Variants in ANTXR2 observed in about 807,000 individuals in gnomAD.
ANTXR2 encodes ANTXR cell adhesion molecule 2, also known as anthrax toxin receptor 2.
A neutral mutation model predicts 73.7 loss-of-function variants in ANTXR2; 44 were observed. The observed-to-expected ratio is 0.60, with a 90% CI of 0.47 to 0.77. ANTXR2 has a LOEUF of 0.77. Ranked by LOEUF, ANTXR2 falls within the 30% of genes least tolerant of loss-of-function variation. ANTXR2 has a pLI of 0.00. For synonymous variants in ANTXR2, 217 were observed against 205.9 expected, an observed-to-expected ratio of 1.05 and a Z score of -0.46; for missense variants, 604 against 592.5, an observed-to-expected ratio of 1.02 and a Z score of -0.20.
rs571389700 is a variant in ANTXR2, at chr4:79,931,577, T to C, written c.1429-24110A>G. On this transcript the variant is annotated intron_variant, in intron 16 of 16. Transcript: ENST00000403729. Reference sequence around the variant, plus strand: ...TCACAGAAGGTGCAGCAGGCACAGATGGCACTAATGCATAAATGTAATCTA... The same window carrying C: ...TCACAGAAGGTGCAGCAGGCACAGACGGCACTAATGCATAAATGTAATCTA... 2.6e-5 allele frequency among the ~76,000 whole-genome samples: 4 copies of C among 152,020 alleles called. No homozygotes were observed. In the South Asian group the frequency reaches 6.2e-4, roughly 24 times the overall value.
chr4:80,069,577 T>TA, intron 2 of ANTXR2, 70 bp from the exon 3 acceptor site: 2 of 1,240,466 alleles, frequency 1.6e-6, no homozygotes, highest in Non-Finnish European at 2.3e-6. Context: ...AGATGTATAG[T>TA]TAGGGAGGTT....
chr4:80,058,217 A>G (rs1734089184), intron 3 of ANTXR2, among the ~76,000 whole-genome samples: 1 of 152,038 alleles, frequency 6.6e-6, no homozygotes, highest in Non-Finnish European at 1.5e-5. Context: ...AAGCTAAAGG[A>G]ACTTCCCAAA....
intron 7 of ANTXR2, among the ~76,000 whole-genome samples, chr4:80,051,738 C>T (rs1190212497): frequency 1.3e-5 from 2 of 151,498 alleles, no homozygotes; most frequent in African/African-American, 4.8e-5. Flanking sequence ...CTTTTTCAGC[C>T]CCTTGATTTT....
intron 12 of ANTXR2, among the ~76,000 whole-genome samples, chr4:79,995,996 C>T (rs1430862075): frequency 6.6e-6 from 1 of 151,996 alleles, no homozygotes; most frequent in African/African-American, 2.4e-5. Context: ...CCAGATGCCA[C>T]ATGCTCTGTC....
At chr4:79,907,531 T>C (rs908320017) in intron 16 of ANTXR2, 64 bp from the exon 17 acceptor site, 22 of 1,496,414 alleles carry the variant, frequency 1.5e-5, no homozygotes, top group Non-Finnish European at 2.0e-5. Flanking sequence ...CATGAGAACA[T>C]CTAGTTTTCC....
chr4:80,064,698 G>A (rs946637942), intron 3 of ANTXR2, among the ~76,000 whole-genome samples: 1 of 152,108 alleles, frequency 6.6e-6, no homozygotes, highest in East Asian at 1.9e-4. Flanking sequence ...TGAGGAGAAC[G>A]AGCCAGCTAG....
rs968225242 is a variant in ANTXR2, at chr4:80,034,674, T to C, written c.698-1104A>G. Among the ~76,000 whole-genome samples the C allele has an allele frequency of 4.1e-4, 63 of 152,298 alleles. 2 individuals are homozygous for C. The highest frequency in any genetic ancestry group is 3.7e-3 in the Admixed American group (56 of 15,276). On this transcript the variant is annotated intron_variant, in intron 8 of 16. Transcript: ENST00000403729. ...AGTTCAAATTAAATTCCAATTATAT[T>C]TGTAAATCAAATAAGGTTAAGGCTA...
intron 2 of ANTXR2, among the ~76,000 whole-genome samples, chr4:80,070,218 A>G (rs2110126257): frequency 6.6e-6 from 1 of 152,340 alleles, no homozygotes; most frequent in African/African-American, 2.4e-5. Flanking sequence ...GAATCCTCTC[A>G]AAGGCTTATA....
intron 16 of ANTXR2, among the ~76,000 whole-genome samples, chr4:79,965,355 GTC>G (rs1247781158): frequency 6.6e-6 from 1 of 152,156 alleles, no homozygotes; most frequent in African/African-American, 2.4e-5. Flanking sequence ...GTGTTTTATT[GTC>G]TCTCAAGTGG....
At chr4:80,039,105 G>T (rs1008176545) in intron 7 of ANTXR2, among the ~76,000 whole-genome samples, 9 of 152,030 alleles carry the variant, frequency 5.9e-5, no homozygotes, top group African/African-American at 1.9e-4. Context: ...GATGAGTCAG[G>T]ATAAAGTTAA....
Position 80,004,125 on chromosome 4 carries a change from G to A in ANTXR2, c.1041+4396C>T, listed in dbSNP as rs183259173. 1.2e-3 allele frequency among the ~76,000 whole-genome samples: 187 copies of A among 151,166 alleles called. 1 individual carries two copies. Among genetic ancestry groups the A allele is most frequent in the African/African-American group, 4.5e-3 (185 of 41,192 alleles). On this transcript the variant is annotated intron_variant, in intron 12 of 16. Transcript: ENST00000403729. ...ACACACAGAAGCTTGGGTGGATCTC[G>A]GGAATTATGCTGAATGAAAAAAAGC...
intron 11 of ANTXR2, among the ~76,000 whole-genome samples, chr4:80,012,487 G>C (rs927121484): frequency 2.0e-5 from 3 of 152,114 alleles, no homozygotes; most frequent in African/African-American, 7.2e-5. Flanking sequence ...TACAATGGTA[G>C]AGTTAAGTAG....
In ANTXR2 at chr4:80,018,722, TA is replaced by T. The variant is rs1207963810; in HGVS notation, c.945+175del. Among the ~76,000 whole-genome samples, 5 of 151,992 alleles carry T rather than the reference TA, an allele frequency of 3.3e-5. No individual in the cohort carries two copies. The South Asian group carries it at 1.0e-3, about 32-fold the overall frequency. ...AGTTCCTATAAAAGGGAGCTCAACA[TA>T]AAAAAAAGCAATGCCACCCAAAACG... On this transcript the variant is annotated intron_variant, in intron 11 of 16. Coordinates refer to ENST00000403729, the MANE Select transcript of ANTXR2 (RefSeq NM_058172.6).
intron 7 of ANTXR2, among the ~76,000 whole-genome samples, chr4:80,045,495 C>T (rs939092851): frequency 3.3e-5 from 5 of 151,466 alleles, no homozygotes; most frequent in Non-Finnish European, 7.4e-5. Context: ...CAGGTGTGTC[C>T]TTAACAGATA....
intron 16 of ANTXR2, among the ~76,000 whole-genome samples, chr4:79,927,257 G>A (rs1173481356): frequency 2.7e-5 from 4 of 150,210 alleles, no homozygotes; most frequent in African/African-American, 9.8e-5. Context: ...ATCATATATT[G>A]GAAATTAGCA....
At chr4:80,067,029 C>T (rs1407641390) in intron 3 of ANTXR2, among the ~76,000 whole-genome samples, 1 of 152,064 alleles carries the variant, frequency 6.6e-6, no homozygotes, top group African/African-American at 2.4e-5. Flanking sequence ...CACGGTGAAA[C>T]CCCGTCTCTA....
At chr4:79,950,682 A>G (rs1728671417) in intron 16 of ANTXR2, among the ~76,000 whole-genome samples, 1 of 152,202 alleles carries the variant, frequency 6.6e-6, no homozygotes. Context: ...GAAAATATTC[A>G]TTATTAAAGT....
intron 16 of ANTXR2, among the ~76,000 whole-genome samples, chr4:79,949,812 A>T (rs1728641629): frequency 6.6e-6 from 1 of 152,188 alleles, no homozygotes; most frequent in African/African-American, 2.4e-5. Context: ...GCCCTGAACA[A>T]GTTGATCAAA....
intron 16 of ANTXR2, among the ~76,000 whole-genome samples, chr4:79,944,972 G>A (rs1022405560): frequency 2.0e-5 from 3 of 152,096 alleles, no homozygotes; most frequent in Non-Finnish European, 4.4e-5. Context: ...AAATGCATTT[G>A]AAGCAGAAAA....
Sources: allele counts gnomAD v4.1 joint callset (sites outside exome capture counted in the v4.1 genomes callset), GRCh38; gene constraint gnomAD v4.1.1; transcripts MANE v1.5; gene names NCBI Gene and HGNC (gene_info 2026-07-23, HGNC 2026-07-21).